The following SIK3 variants were observed in gnomAD, a reference collection of about 807,000 sequenced individuals.
SIK3 encodes serine/threonine-protein kinase SIK3.
In SIK3, 28 loss-of-function variants were observed where a neutral mutation model predicts 144.2. The observed-to-expected ratio is 0.19, with a 90% confidence interval of 0.14 to 0.27. SIK3 has a LOEUF of 0.27. Among genes scored for constraint, SIK3 ranks in the 10% least tolerant of loss-of-function variants. The pLI, the probability that SIK3 is intolerant of heterozygous loss-of-function variation, is 1.00. For synonymous variants in SIK3, 686 were observed against 676.3 expected, an observed-to-expected ratio of 1.01 and a Z score of -0.22; for missense variants, 1,319 against 1,776.0, an observed-to-expected ratio of 0.74 and a Z score of 4.62.
intron 1 of SIK3, among the ~76,000 whole-genome samples, chr11:117,023,881 G>C (rs112699147): frequency 0.014 from 2,198 of 152,002 alleles, 57 homozygotes; most frequent in African/African-American, 0.049. Context: ...GTCTTGCTAT[G>C]TTGGCCAGGC....
chr11:117,016,445 A>AAGGAAGGAAGGAAGGAAGGAATCC (rs1951545500), intron 1 of SIK3, among the ~76,000 whole-genome samples: 1 of 149,318 alleles, frequency 6.7e-6, no homozygotes, highest in Non-Finnish European at 1.5e-5. Flanking sequence ...GGAAGGAAGG[A>AAGGAAGGAAGGAAGGAAGGAATCC]ATCCCATGAC....
At chr11:116,960,478 G>A (rs867007618) in intron 1 of SIK3, among the ~76,000 whole-genome samples, 5 of 152,108 alleles carry the variant, frequency 3.3e-5, no homozygotes, top group African/African-American at 1.2e-4. Context: ...CCGTGATCAC[G>A]CCACTGCATT....
intron 1 of SIK3, among the ~76,000 whole-genome samples, chr11:117,081,136 G>T (rs1023298177): frequency 9.2e-5 from 14 of 151,768 alleles, no homozygotes; most frequent in African/African-American, 3.1e-4. Flanking sequence ...ACTAGATTGT[G>T]GTATGTTCCC....
chr11:116,897,253 G>A lies in SIK3; in HGVS notation c.681C>T (p.Pro227=). Residue 227 remains proline, a synonymous_variant, in exon 5 of 25, where the codon CCC becomes CCT. Coordinates refer to ENST00000445177, the MANE Select transcript of SIK3 (RefSeq NM_001366686.3). ...CTTCAAAGAGTTCAGGTGCAGCATA[G>A]GGAGGGCTGCCACACCAGGTCTTCA... ...QLLKTWCGSP[P]YAAPELFEGK... is the part of the protein sequence containing the mutation. The A allele has an allele frequency of 6.2e-7, 1 of 1,613,848 alleles. No individual in the cohort carries two copies. Among genetic ancestry groups the A allele is most frequent in the Non-Finnish European group, 8.5e-7 (1 of 1,179,752 alleles).
intron 1 of SIK3, among the ~76,000 whole-genome samples, chr11:116,961,489 T>C (rs1949345983): frequency 6.6e-6 from 1 of 152,218 alleles, no homozygotes; most frequent in African/African-American, 2.4e-5. Flanking sequence ...AAGGTTTTGG[T>C]GTAAAGTACA....
intron 1 of SIK3, among the ~76,000 whole-genome samples, chr11:117,061,812 T>C (rs1158990966): frequency 6.6e-6 from 1 of 152,144 alleles, no homozygotes; most frequent in Non-Finnish European, 1.5e-5. Flanking sequence ...GCAGAAATAT[T>C]AGAAGAGTCC....
chr11:116,897,434 G>A, intron 4 of SIK3, 117 bp from the exon 5 acceptor site: 1 of 937,658 alleles, frequency 1.1e-6, no homozygotes, highest in Non-Finnish European at 1.6e-6. Flanking sequence ...AATGCAAAAA[G>A]AGAACATTTA....
rs1406692181 is a variant in SIK3 at position 116,844,601 on chromosome 11, A to AT, written c.*1041dup. On this transcript the variant is annotated 3_prime_UTR_variant, in exon 25 of 25. Transcript: ENST00000445177. ...GAGAGCATATATATATATATTTTATATATATATTATATATATAATATATAT... is the reference window on the plus strand; with the variant it reads ...GAGAGCATATATATATATATTTTATATTATATATTATATATATAATATATAT... The AT allele has an allele frequency of 1.7e-5, 1 of 60,222 alleles. No individual in the cohort carries two copies. The highest frequency in any genetic ancestry group is 1.9e-4 in the Admixed American group (1 of 5,378). 3.7% of individuals were successfully genotyped at this position (60,222 alleles called of 1,614,324 possible).
chr11:116,861,846 G>A lies in SIK3; in HGVS notation c.2310C>T (p.Leu770=), dbSNP rs760432226. ...CAACACAAAATGACTCATACCTCTG[G>A]AGCTGATGGGTAAGGAGGGCTGGCT... The part of the protein sequence containing the change: ...ENQPALLTHQ[L]QRLRIQPSSP... The change falls in exon 18 of 25, where the codon CTC becomes CTT. Residue 770 remains leucine, a synonymous_variant. Coordinates refer to ENST00000445177, the MANE Select transcript of SIK3 (RefSeq NM_001366686.3). 2 of 1,608,982 alleles carry A rather than the reference G, an allele frequency of 1.2e-6. No homozygotes were observed. Among genetic ancestry groups the A allele is most frequent in the African/African-American group, 1.3e-5 (1 of 74,836 alleles).
chr11:116,887,193 C>T (rs1397697994), intron 6 of SIK3, among the ~76,000 whole-genome samples: 3 of 148,122 alleles, frequency 2.0e-5, no homozygotes, highest in Admixed American at 1.4e-4. Flanking sequence ...TTGCTTGAAC[C>T]TAGGAGTTCA....
chr11:117,075,960 T>C (rs2136024924), intron 1 of SIK3, among the ~76,000 whole-genome samples: 1 of 148,598 alleles, frequency 6.7e-6, no homozygotes, highest in East Asian at 2.0e-4. Flanking sequence ...GCAATTCTCC[T>C]GCCTCAGCCT....
chr11:116,980,117 T>C (rs967891469), intron 1 of SIK3, among the ~76,000 whole-genome samples: 4 of 152,254 alleles, frequency 2.6e-5, no homozygotes, highest in Non-Finnish European at 5.9e-5. Flanking sequence ...AAGGGGCTTA[T>C]GTCCTTATAA....
At chr11:116,892,332 G>A (rs1417111220) in intron 6 of SIK3, among the ~76,000 whole-genome samples, 1 of 152,124 alleles carries the variant, frequency 6.6e-6, no homozygotes, top group African/African-American at 2.4e-5. Context: ...CAGAAGCAAT[G>A]AGAAAAAGTG....
rs1450176292 is a variant in SIK3, at chr11:116,898,848, T to C, written c.617-1531A>G. On this transcript the variant is annotated intron_variant, in intron 4 of 24. Transcript: ENST00000445177. ...TTTTTTTCTTGTAAATTTGTTTGAG[T>C]TCATTGTAGATTCTGGATATTAGCC... 3.3e-5 allele frequency among the ~76,000 whole-genome samples: 5 copies of C among 151,714 alleles called. No individual in the cohort carries two copies. In the East Asian group the frequency reaches 7.8e-4, roughly 24 times the overall value.
chr11:117,086,618 G>C (rs1434230753), intron 1 of SIK3, among the ~76,000 whole-genome samples: 1 of 152,006 alleles, frequency 6.6e-6, no homozygotes, highest in African/African-American at 2.4e-5. Context: ...TTGAACCCAG[G>C]AGGCAGAGGT....
intron 1 of SIK3, among the ~76,000 whole-genome samples, chr11:117,003,339 C>A (rs1485197736): frequency 6.6e-6 from 1 of 152,154 alleles, no homozygotes; most frequent in Non-Finnish European, 1.5e-5. Flanking sequence ...TCAGGCAGAT[C>A]TGGTTTGGAA....
chr11:116,861,155 A>C, intron 19 of SIK3, 119 bp downstream of exon 19: 1 of 797,332 alleles, frequency 1.3e-6, no homozygotes, highest in Non-Finnish European at 2.0e-6. Flanking sequence ...TCTAGAGTCC[A>C]TACCCCTGAA....
intron 1 of SIK3, among the ~76,000 whole-genome samples, chr11:116,992,257 G>A (rs546482500): frequency 2.0e-5 from 3 of 151,512 alleles, no homozygotes; most frequent in Non-Finnish European, 2.9e-5. Flanking sequence ...CCCAGGAGGT[G>A]GAGGCTGCAG....
chr11:117,038,301 T>C (rs1952597970), intron 1 of SIK3, among the ~76,000 whole-genome samples: 1 of 151,892 alleles, frequency 6.6e-6, no homozygotes, highest in Admixed American at 6.6e-5. Context: ...ACTTTAATAA[T>C]TTCTAGCCAA....
Sources: gnomAD v4.1 joint callset for allele counts (sites outside exome capture counted in the v4.1 genomes callset) on GRCh38, gnomAD v4.1.1 for gene constraint, MANE v1.5 for transcripts, NCBI Gene and HGNC (gene_info 2026-07-23, HGNC 2026-07-21) for gene names.